Variants in HERC1 observed in about 807,000 individuals in gnomAD.
HERC1 encodes HECT and RLD domain containing E3 ubiquitin protein ligase family member 1, also known as probable E3 ubiquitin-protein ligase HERC1.
Under a neutral mutation model 554.3 loss-of-function variants are expected in HERC1, and 160 were observed. That is an observed-to-expected ratio of 0.29 (90% confidence interval 0.25 to 0.33). The LOEUF is 0.33. Among genes scored for constraint, HERC1 ranks in the 10% least tolerant of loss-of-function variants. The pLI, the probability that HERC1 is intolerant of heterozygous loss-of-function variation, is 1.00. For missense variants in HERC1, 4,919 were observed against 5,918.5 expected, an observed-to-expected ratio of 0.83 and a Z score of 5.54; for synonymous variants, 2,175 against 2,131.7, an observed-to-expected ratio of 1.02 and a Z score of -0.56.
chr15:63,655,096 G>A (rs1485971891), intron 50 of HERC1, among the ~76,000 whole-genome samples: 1 of 152,110 alleles, frequency 6.6e-6, no homozygotes, highest in Admixed American at 6.5e-5. Context: ...GCTCATGCCT[G>A]TAATCTGAGG....
chr15:63,829,516 ATAAAT>A (rs1483134194), intron 1 of HERC1, among the ~76,000 whole-genome samples: 4 of 104,536 alleles, frequency 3.8e-5, no homozygotes, highest in Middle Eastern at 8.9e-3. Context: ...ACACACATAT[ATAAAT>A]AATATGTGTG....
At chr15:63,781,978 A>G (rs2076302039) in intron 1 of HERC1, among the ~76,000 whole-genome samples, 1 of 152,212 alleles carries the variant, frequency 6.6e-6, no homozygotes, top group South Asian at 2.1e-4. Flanking sequence ...CAATTCTATG[A>G]AGGCTGAGAG....
intron 23 of HERC1, among the ~76,000 whole-genome samples, chr15:63,713,098 C>T (rs576280658): frequency 1.3e-5 from 2 of 152,364 alleles, no homozygotes; most frequent in South Asian, 2.1e-4. Flanking sequence ...ATGCAAGTAA[C>T]TTCACATGCT....
chr15:63,613,550 T>C (rs995261751), intron 76 of HERC1, among the ~76,000 whole-genome samples: 2 of 152,160 alleles, frequency 1.3e-5, no homozygotes, highest in East Asian at 3.8e-4. Flanking sequence ...AGGAAGTGAG[T>C]AACTATGTGA....
intron 39 of HERC1, among the ~76,000 whole-genome samples, chr15:63,671,958 G>C (rs780075281): frequency 1.2e-4 from 19 of 152,098 alleles, no homozygotes; most frequent in Non-Finnish European, 2.6e-4. Flanking sequence ...AAAGCAAAAA[G>C]AAATTTAAGT....
In HERC1 at chr15:63,829,407, A is replaced by T. The variant is rs1256895190; in HGVS notation, c.-27+4420T>A. 2.0e-5 allele frequency among the ~76,000 whole-genome samples: 3 copies of T among 150,366 alleles called. No individual in the cohort carries two copies. In the Admixed American group the frequency reaches 2.0e-4, roughly 10 times the overall value. On this transcript the variant is annotated intron_variant, in intron 1 of 77. Transcript: ENST00000443617. ...CACGGCACTGCAGCCTGGGTGACAG[A>T]GTGAGGCCCTGTCTCAAAAAAGAAA...
At chr15:63,796,886 G>C (rs1490146061) in intron 1 of HERC1, among the ~76,000 whole-genome samples, 1 of 152,166 alleles carries the variant, frequency 6.6e-6, no homozygotes, top group South Asian at 2.1e-4. Flanking sequence ...TCAGAGAACA[G>C]ATTGTAAATG....
intron 1 of HERC1, among the ~76,000 whole-genome samples, chr15:63,795,951 G>A (rs892198940): frequency 7.9e-5 from 12 of 152,228 alleles, no homozygotes; most frequent in Admixed American, 3.9e-4. Context: ...AAGAGGAACA[G>A]GCTACGACCT....
At chr15:63,778,181 T>C (rs1038617586) in intron 1 of HERC1, among the ~76,000 whole-genome samples, 14 of 152,162 alleles carry the variant, frequency 9.2e-5, no homozygotes, top group African/African-American at 3.4e-4. Flanking sequence ...GGGTACATGC[T>C]TTCACCTCCA....
chr15:63,634,086 T>C (rs2068678859), intron 66 of HERC1, 116 bp from the exon 67 acceptor site: 3 of 1,138,438 alleles, frequency 2.6e-6, no homozygotes, highest in South Asian at 3.0e-5. Context: ...TCCAAATATC[T>C]ACAATGGTTT....
intron 8 of HERC1, among the ~76,000 whole-genome samples, chr15:63,750,116 T>C (rs1010355829): frequency 6.6e-5 from 10 of 152,198 alleles, no homozygotes; most frequent in African/African-American, 2.4e-4. Context: ...GCTTTGAAAA[T>C]ACCATCTTAA....
intron 1 of HERC1, among the ~76,000 whole-genome samples, chr15:63,831,684 A>C (rs1424827190): frequency 2.6e-5 from 4 of 152,034 alleles, no homozygotes; most frequent in African/African-American, 9.7e-5. Context: ...ATTCAGTATG[A>C]CTTTTTTGGG....
rs1011094934 is a variant in HERC1, at chr15:63,662,153, A to C, written c.8902-132T>G. 3.0e-6 allele frequency: 3 copies of C among 1,011,234 alleles called. No homozygotes were observed. In the African/African-American group the frequency reaches 4.9e-5, roughly 16 times the overall value. 62.6% of individuals were successfully genotyped at this position (1,011,234 alleles called of 1,614,324 possible). On this transcript the variant is annotated intron_variant, in intron 44 of 77. Transcript: ENST00000443617. ...TTTCCAACATGTTCATTAATGCTAAATAAAAAATTTCTTTCAAATCAGAAT... is the reference window on the plus strand; with the variant it reads ...TTTCCAACATGTTCATTAATGCTAACTAAAAAATTTCTTTCAAATCAGAAT...
chr15:63,691,595 T>A (rs929714954), intron 31 of HERC1, among the ~76,000 whole-genome samples: 5 of 152,158 alleles, frequency 3.3e-5, no homozygotes, highest in Non-Finnish European at 7.3e-5. Context: ...AATATCTGAT[T>A]TTTCTTTATC....
chr15:63,721,078 G>T (rs2073798100), intron 19 of HERC1, among the ~76,000 whole-genome samples: 1 of 151,988 alleles, frequency 6.6e-6, no homozygotes, highest in South Asian at 2.1e-4. Flanking sequence ...AAGTGATAAT[G>T]TGGTATAGAA....
chr15:63,648,750 T>G (rs949881718), intron 54 of HERC1, among the ~76,000 whole-genome samples: 2 of 152,210 alleles, frequency 1.3e-5, no homozygotes, highest in Non-Finnish European at 2.9e-5. Flanking sequence ...GTGTGGGAAC[T>G]GAGTAGACAG....
Position 63,649,783 on chromosome 15 carries a change from T to C in HERC1, c.10689A>G (p.Glu3563=). 6.2e-7 allele frequency: 1 copy of C among 1,613,740 alleles called. No homozygotes were observed. Residue 3563 remains glutamate, a synonymous_variant, in exon 54 of 78, where the codon GAA becomes GAG. Transcript: ENST00000443617. ...GRMDGSLGLI[E]VVDVSTMHRR... is the part of the protein sequence containing the mutation. The stretch of plus-strand genomic sequence containing the variant: ...GGTGCATGGTGGACACATCAACAAC[T>C]TCAATCAGTCCCAGAGATCCATCCA...
chr15:63,693,977 C>T lies in HERC1; in HGVS notation c.5661G>A (p.Lys1887=). ...GGCTTACATTACCTCTGAAATCTTTCTTCTCAGTTTCTCCACTGGAGTCAA... is the reference window on the plus strand; with the variant it reads ...GGCTTACATTACCTCTGAAATCTTTTTTCTCAGTTTCTCCACTGGAGTCAA... ...KKVDSSGETE[K]KDFRAALRKQ... The change falls in exon 30 of 78, where the codon AAG becomes AAA. Residue 1887 remains lysine, a synonymous_variant. Transcript: ENST00000443617. The T allele has an allele frequency of 1.3e-6, 2 of 1,551,742 alleles. No homozygotes were observed. The highest frequency in any genetic ancestry group is 2.4e-5 in the East Asian group (1 of 41,110).
chr15:63,753,101 C>T lies in HERC1; in HGVS notation c.1775-16G>A, dbSNP rs150152353. 1.5e-5 allele frequency: 24 copies of T among 1,556,674 alleles called. No individual in the cohort carries two copies. In the African/African-American group the frequency reaches 2.7e-4, roughly 18 times the overall value. ...CCAAGTTTACCTATAAAAACAAACA[C>T]ATTAAACAATTTACTTGTTTTAAAG... is the stretch of plus-strand genomic sequence containing the variant. On this transcript the variant is annotated splice_polypyrimidine_tract_variant and intron_variant, in intron 7 of 77. Transcript: ENST00000443617.
Sources: gnomAD v4.1 joint callset for allele counts (sites outside exome capture counted in the v4.1 genomes callset) on GRCh38, gnomAD v4.1.1 for gene constraint, MANE v1.5 for transcripts, NCBI Gene and HGNC (gene_info 2026-07-23, HGNC 2026-07-21) for gene names.